FILIP1: variants seen among roughly 807,000 people sequenced by gnomAD.
FILIP1 encodes the protein filamin-A-interacting protein 1.
Under a neutral mutation model 102.1 loss-of-function variants are expected in FILIP1, and 61 were observed. The ratio of observed to expected loss-of-function variants is 0.60; its 90% CI spans 0.49 to 0.74. The LOEUF is 0.74. FILIP1 is among the 30% of genes least tolerant of loss of function. The pLI is 0.00. For synonymous variants in FILIP1, 491 were observed against 526.9 expected (o/e 0.93, Z 0.93); for missense variants, 1,314 against 1,441.2 (o/e 0.91, Z 1.43).
At chr6:75,292,241 A>G (rs565233567) in exon 7 of FILIP1, 3 of 152,362 alleles carry the variant, frequency 2.0e-5, no homozygotes, top group Admixed American at 6.5e-5. Context: ...TGGCCACATT[A>G]TAAGCCTCTT....
chr6:75,372,702 A>G (rs1460015384), intron 2 of FILIP1, among the ~76,000 whole-genome samples: 10 of 58,226 alleles, frequency 1.7e-4, no homozygotes, highest in African/African-American at 1.0e-3. Flanking sequence ...AAAGAGAAAG[A>G]AAGAAAGAAA....
At chr6:75,434,391 A>G (rs1401791295) in intron 1 of FILIP1, among the ~76,000 whole-genome samples, 1 of 152,280 alleles carries the variant, frequency 6.6e-6, no homozygotes, top group Admixed American at 6.5e-5. Context: ...GTTCTCCTCG[A>G]AGAGGTCCTT....
chr6:75,358,925 T>C (rs184952251), intron 3 of FILIP1, among the ~76,000 whole-genome samples: 29 of 151,968 alleles, frequency 1.9e-4, no homozygotes, highest in African/African-American at 6.0e-4. Flanking sequence ...AGTTTCACCA[T>C]GTCAGCCAGG....
chr6:75,446,000 A>G (rs574109610), intron 1 of FILIP1, among the ~76,000 whole-genome samples: 17 of 152,136 alleles, frequency 1.1e-4, no homozygotes, highest in Non-Finnish European at 2.5e-4. Context: ...AAGCATCACC[A>G]TGGCATAGAC....
At chr6:75,427,735 C>T (rs1435465970) in intron 1 of FILIP1, among the ~76,000 whole-genome samples, 1 of 152,168 alleles carries the variant, frequency 6.6e-6, no homozygotes, top group Non-Finnish European at 1.5e-5. Flanking sequence ...CAGTGATATT[C>T]TGCTTTTGAA....
rs774215857 is a variant in FILIP1, at chr6:75,414,913, C to T, written c.60G>A (p.Lys20=). The T allele has an allele frequency of 6.2e-6, 10 of 1,613,876 alleles. No homozygotes were observed. The highest frequency in any genetic ancestry group is 5.0e-5 in the Admixed American group (3 of 59,984). The stretch of plus-strand genomic sequence containing the variant: ...CACCAGCATTGCCGATGATGGAGGG[C>T]TTGGGACAGGAGATATGCCCATCAG... The part of the protein sequence containing the change: ...SASDGHISCP[K]PSIIGNAGEK... Residue 20 remains lysine, a synonymous_variant, in exon 2 of 6, where the codon AAG becomes AAA. Transcript: ENST00000237172.
At position 75,432,867 on chromosome 6, in the gene FILIP1, T is replaced by C. The variant is rs1777875714; in HGVS notation, c.-6-17889A>G. Among the ~76,000 whole-genome samples the C allele has an allele frequency of 2.0e-5, 3 of 152,024 alleles. No homozygotes were observed. In the South Asian group the frequency reaches 6.3e-4, roughly 32 times the overall value. On this transcript the variant is annotated intron_variant, in intron 1 of 5. Transcript: ENST00000237172. ...TCCCAACAGGCCCCGGTGTGTGATG[T>C]TCTCTGCCCTGTGTCCATGTGTATT...
At chr6:75,420,797 C>A (rs1306205568) in intron 1 of FILIP1, among the ~76,000 whole-genome samples, 1 of 152,148 alleles carries the variant, frequency 6.6e-6, no homozygotes, top group Non-Finnish European at 1.5e-5. Context: ...TTACTTGGCA[C>A]TTTTCACACT....
chr6:75,407,886 G>A (rs1282926897), intron 2 of FILIP1, among the ~76,000 whole-genome samples: 1 of 152,168 alleles, frequency 6.6e-6, no homozygotes, highest in Non-Finnish European at 1.5e-5. Flanking sequence ...TTTGTCCCTT[G>A]TTCTTGAATC....
At chr6:75,402,250 T>C (rs561789802) in intron 2 of FILIP1, among the ~76,000 whole-genome samples, 2 of 152,226 alleles carry the variant, frequency 1.3e-5, no homozygotes, top group South Asian at 4.2e-4. Flanking sequence ...ACAACAAAGC[T>C]CTTTGCCAAA....
chr6:75,440,114 G>C (rs1009707059), intron 1 of FILIP1, among the ~76,000 whole-genome samples: 1 of 152,142 alleles, frequency 6.6e-6, no homozygotes, highest in Admixed American at 6.5e-5. Context: ...AATAAGATAG[G>C]AAAATAACTT....
intron 2 of FILIP1, among the ~76,000 whole-genome samples, chr6:75,368,087 A>G (rs1775398386): frequency 6.6e-6 from 1 of 152,254 alleles, no homozygotes; most frequent in Admixed American, 6.5e-5. Context: ...GCAGAGAAAC[A>G]GACACAGCTG....
intron 1 of FILIP1, among the ~76,000 whole-genome samples, chr6:75,432,654 T>A (rs1472976034): frequency 5.3e-5 from 8 of 152,184 alleles, no homozygotes; most frequent in East Asian, 1.9e-4. Flanking sequence ...TGAATTTTTT[T>A]AAAGATTTTT....
intron 1 of FILIP1, among the ~76,000 whole-genome samples, chr6:75,479,148 G>T (rs1205124770): frequency 1.3e-5 from 2 of 152,142 alleles, no homozygotes; most frequent in African/African-American, 4.8e-5. Context: ...TATATTGGCT[G>T]TTTTTTCATA....
chr6:75,454,351 C>CT lies in FILIP1; in HGVS notation c.-7+39062dup, dbSNP rs1193489243. Among the ~76,000 whole-genome samples, 3 of 152,152 alleles carry CT rather than the reference C, an allele frequency of 2.0e-5. No individual in the cohort carries two copies. In the East Asian group the frequency reaches 5.8e-4, roughly 29 times the overall value. On this transcript the variant is annotated intron_variant, in intron 1 of 5. Transcript: ENST00000237172. The stretch of plus-strand genomic sequence containing the variant: ...ATGCTTGGAATCTCTCTGATTTTCC[C>CT]TTTTGCAGCATCTCTCTTCCCTCTA...
chr6:75,322,391 G>A (rs1031094834), intron 4 of FILIP1, among the ~76,000 whole-genome samples: 8 of 151,888 alleles, frequency 5.3e-5, no homozygotes, highest in Admixed American at 2.0e-4. Flanking sequence ...TCTCTTCTCC[G>A]CTCACCTTCC....
At chr6:75,374,348 C>G (rs1171417658) in intron 2 of FILIP1, among the ~76,000 whole-genome samples, 1 of 152,154 alleles carries the variant, frequency 6.6e-6, no homozygotes, top group Admixed American at 6.5e-5. Flanking sequence ...CAGATAGGGT[C>G]CAGCTTTCTG....
chr6:75,314,402 A>C lies in FILIP1; in HGVS notation c.1430T>G (p.Val477Gly). ...LNELEVVKSRVKELECSESRL... is the reference protein window; with the variant it reads ...LNELEVVKSRGKELECSESRL... ...ACTTTCAGAACATTCCAATTCTTTA[A>C]CTCGACTCTTGACCACCTCCAATTC... The change falls in exon 5 of 6, where the codon GTT (valine) becomes GGT (glycine). Residue 477 changes from valine (V) to glycine (G), a missense_variant. Transcript: ENST00000237172. 1 of 1,536,826 alleles carries C rather than the reference A, an allele frequency of 6.5e-7. No homozygotes were observed. Among genetic ancestry groups the C allele is most frequent in the South Asian group, 1.3e-5 (1 of 75,440 alleles).
At chr6:75,480,713 T>G (rs920185996) in intron 1 of FILIP1, among the ~76,000 whole-genome samples, 2 of 152,332 alleles carry the variant, frequency 1.3e-5, no homozygotes, top group East Asian at 3.9e-4. Flanking sequence ...CATCATCTGT[T>G]TTTAAACATA....
Sources: gnomAD v4.1 joint callset for allele counts (sites outside exome capture counted in the v4.1 genomes callset) on GRCh38, gnomAD v4.1.1 for gene constraint, MANE v1.5 for transcripts, NCBI Gene and HGNC (gene_info 2026-07-23, HGNC 2026-07-21) for gene names.